Variants in CNNM1 observed in about 807,000 individuals in gnomAD.
The protein encoded by CNNM1 is cyclin and CBS domain divalent metal cation transport mediator 1, also known as metal transporter CNNM1.
Under a neutral mutation model 78.8 loss-of-function variants are expected in CNNM1, and 44 were observed. That is an observed-to-expected ratio of 0.56 (90% CI 0.44 to 0.72). The LOEUF (loss-of-function observed/expected upper bound fraction) is 0.72, where lower values mean the gene tolerates loss of function less well. Among genes scored for constraint, CNNM1 ranks in the 30% least tolerant of loss-of-function variants. The pLI, the probability that CNNM1 is intolerant of heterozygous loss-of-function variation, is 0.00. For synonymous variants in CNNM1, 584 were observed against 581.5 expected (o/e 1.00, Z -0.06); for missense variants, 1,101 against 1,292.2 (o/e 0.85, Z 2.27).
rs374865560 is a variant in CNNM1, at chr10:99,391,567, G to A, written c.*51G>A. ...TGTGTGAAATTCCAGAGCTTTGGGG[G>A]AGAATCCACCCTCCCATCATCTGCT... On this transcript the variant is annotated 3_prime_UTR_variant, in exon 11 of 11. Coordinates refer to ENST00000356713, the MANE Select transcript of CNNM1 (RefSeq NM_020348.3). 3.3e-6 allele frequency: 5 copies of A among 1,504,364 alleles called. No homozygotes were observed. The African/African-American group carries it at 6.9e-5, about 21-fold the overall frequency. The allele number at this position is 1,504,364 out of a possible 1,614,324, so 93.2% of individuals were successfully genotyped here. A position where few individuals can be genotyped will look rare whatever the true frequency, so the allele number is the denominator to read the frequency against.
In CNNM1 at chr10:99,356,562, C is replaced by CAGACAGAAAGAAAGAAAAGAAAAGAA; in HGVS notation, c.1574-947_1574-946insCAGAAAGAAAGAAAAGAAAAGAAAGA. Among the ~76,000 whole-genome samples the CAGACAGAAAGAAAGAAAAGAAAAGAA allele has an allele frequency of 1.7e-3, 172 of 98,532 alleles. 3 individuals are homozygous for CAGACAGAAAGAAAGAAAAGAAAAGAA. Among genetic ancestry groups the CAGACAGAAAGAAAGAAAAGAAAAGAA allele is most frequent in the South Asian group, 5.1e-3 (14 of 2,746 alleles). The allele number at this position is 98,532 out of a possible 152,430, so 64.6% of individuals were successfully genotyped here. A position where few individuals can be genotyped will look rare whatever the true frequency, so the allele number is the denominator to read the frequency against. On this transcript the variant is annotated intron_variant, in intron 1 of 10. Coordinates refer to ENST00000356713, the MANE Select transcript of CNNM1 (RefSeq NM_020348.3). Reference sequence around the variant, plus strand: ...AAAGACAGACAGACAGACAGACAGACAGAAAGAAAGAAAGAAAGAAAGAAA... The same window carrying CAGACAGAAAGAAAGAAAAGAAAAGAA: ...AAAGACAGACAGACAGACAGACAGACAGACAGAAAGAAAGAAAAGAAAAGAAAGAAAGAAAGAAAGAAAGAAAGAAA...
chr10:99,345,828 TTTTA>T (rs1006361480), intron 1 of CNNM1, among the ~76,000 whole-genome samples: 2 of 152,178 alleles, frequency 1.3e-5, no homozygotes, highest in Non-Finnish European at 2.9e-5. Context: ...GGAACGGTTA[TTTTA>T]TTTTTGTTTT....
At chr10:99,391,413 A>T in intron 10 of CNNM1, 24 bp from the exon 11 acceptor site, 2 of 1,592,104 alleles carry the variant, frequency 1.3e-6, no homozygotes, top group Non-Finnish European at 1.7e-6. Context: ...TTACAGGCTG[A>T]TACTTGCAAC....
At chr10:99,337,623 G>A (rs2030248470) in intron 1 of CNNM1, among the ~76,000 whole-genome samples, 1 of 152,258 alleles carries the variant, frequency 6.6e-6, no homozygotes, top group Non-Finnish European at 1.5e-5. Flanking sequence ...TGTTTTATGT[G>A]CATATCTCAA....
rs752235283 is a variant in CNNM1 at position 99,364,513 on chromosome 10, T to G, written c.2125T>G (p.Ser709Ala). 1 of 1,608,374 alleles carries G rather than the reference T, an allele frequency of 6.2e-7. No homozygotes were observed. Among genetic ancestry groups the G allele is most frequent in the East Asian group, 2.2e-5 (1 of 44,772 alleles). ...GVPAIMTTACSDNDVRKVGSL... is the reference protein window; with the variant it reads ...GVPAIMTTACADNDVRKVGSL... ...CCCAGCCATCATGACCACTGCTTGC[T>G]CAGGTATTCTAGTTTCCATTTGTTT... The change falls in exon 5 of 11, where the codon TCA (serine) becomes GCA (alanine). Residue 709 changes from serine to alanine, a missense_variant. By Grantham distance (99) the Ser-to-Ala change is moderately conservative. Coordinates refer to ENST00000356713, the MANE Select transcript of CNNM1 (RefSeq NM_020348.3).
chr10:99,354,134 A>G (rs891661505), intron 1 of CNNM1, among the ~76,000 whole-genome samples: 1 of 152,204 alleles, frequency 6.6e-6, no homozygotes, highest in African/African-American at 2.4e-5. Context: ...TACACTAGTT[A>G]TTTGTTTTGT....
At chr10:99,358,742 G>A (rs1199966050) in intron 2 of CNNM1, among the ~76,000 whole-genome samples, 4 of 152,152 alleles carry the variant, frequency 2.6e-5, no homozygotes, top group South Asian at 2.1e-4. Context: ...GAACGAGCTC[G>A]GAAATGTCCT....
intron 4 of CNNM1, 72 bp from the exon 5 acceptor site, chr10:99,364,345 G>C (rs1312613660): frequency 6.2e-6 from 7 of 1,127,886 alleles, no homozygotes; most frequent in Non-Finnish European, 9.1e-6. Context: ...GAAATGCTTA[G>C]GATTCGAGTC....
At chr10:99,365,727 A>AT (rs778645604) in intron 6 of CNNM1, among the ~76,000 whole-genome samples, 1 of 152,172 alleles carries the variant, frequency 6.6e-6, no homozygotes, top group Non-Finnish European at 1.5e-5. Flanking sequence ...ACAGTTCTGA[A>AT]TTTTGCATTG....
intron 7 of CNNM1, among the ~76,000 whole-genome samples, chr10:99,377,954 T>C (rs1162475675): frequency 7.3e-6 from 1 of 137,210 alleles, no homozygotes; most frequent in Non-Finnish European, 1.5e-5. Flanking sequence ...CTTGTTTCCA[T>C]AGGTTCTTTT....
rs1589887690 is a variant in CNNM1, at chr10:99,341,907, C to T, written c.1573+10947C>T. ...TCTTAACAAAGGATTCTAAATATAA[C>T]TTAATCTTTTCTTGATGACGCAGGA... On this transcript the variant is annotated intron_variant, in intron 1 of 10. Coordinates refer to ENST00000356713, the MANE Select transcript of CNNM1 (RefSeq NM_020348.3). Among the ~76,000 whole-genome samples, 4 of 152,230 alleles carry T rather than the reference C, an allele frequency of 2.6e-5. No homozygotes were observed. The East Asian group carries it at 7.7e-4, about 29-fold the overall frequency.
At chr10:99,335,598 TGG>T (rs774354633) in intron 1 of CNNM1, among the ~76,000 whole-genome samples, 4 of 152,256 alleles carry the variant, frequency 2.6e-5, no homozygotes, top group Non-Finnish European at 4.4e-5. Context: ...TTCCTCTTCA[TGG>T]GCCTCTGTCC....
chr10:99,337,565 C>T (rs1340308097), intron 1 of CNNM1, among the ~76,000 whole-genome samples: 1 of 152,226 alleles, frequency 6.6e-6, no homozygotes, highest in South Asian at 2.1e-4. Context: ...TGGGAGACTT[C>T]TCCTGTAAAC....
chr10:99,365,168 C>A (rs1369120202), intron 6 of CNNM1, 166 bp downstream of exon 6: 4 of 727,454 alleles, frequency 5.5e-6, no homozygotes, highest in Non-Finnish European at 9.9e-6. Context: ...CAGGTACCCA[C>A]AGACCATGGG....
rs2134088254 is a variant in CNNM1, at chr10:99,391,705, C to CTGG, written c.*190_*191insGGT. 1.8e-6 allele frequency: 1 copy of CTGG among 568,402 alleles called. No homozygotes were observed. Among genetic ancestry groups the CTGG allele is most frequent in the East Asian group, 3.0e-5 (1 of 33,608 alleles). The allele number at this position is 568,402 out of a possible 1,614,324, so 35.2% of individuals were successfully genotyped here. A position where few individuals can be genotyped will look rare whatever the true frequency, so the allele number is the denominator to read the frequency against. On this transcript the variant is annotated 3_prime_UTR_variant, in exon 11 of 11. Coordinates refer to ENST00000356713, the MANE Select transcript of CNNM1 (RefSeq NM_020348.3). ...CGTTACCTCCAGTTCGACTCAGAAC[C>CTGG]TTGACATGGCCATAACAGAAGGAGG... is the stretch of plus-strand genomic sequence containing the variant.
intron 6 of CNNM1, among the ~76,000 whole-genome samples, chr10:99,373,465 A>G (rs1371235927): frequency 6.6e-6 from 1 of 152,258 alleles, no homozygotes; most frequent in Non-Finnish European, 1.5e-5. Flanking sequence ...CTTTTCTGCA[A>G]CAACTAGCCT....
At chr10:99,334,722 T>C (rs550262067) in intron 1 of CNNM1, among the ~76,000 whole-genome samples, 3 of 152,178 alleles carry the variant, frequency 2.0e-5, no homozygotes, top group South Asian at 4.1e-4. Flanking sequence ...TTTTCCTTAC[T>C]TCCTTGCTTC....
chr10:99,356,568 G>GAAAGAAAGAAAGAAAAGA (rs1564947175), intron 1 of CNNM1, among the ~76,000 whole-genome samples: 17 of 112,738 alleles, frequency 1.5e-4, no homozygotes, highest in African/African-American at 5.7e-4. Context: ...CAGACAGAAA[G>GAAAGAAAGAAAGAAAAGA]AAAGAAAGAA....
chr10:99,364,611 A>G, intron 5 of CNNM1, 95 bp downstream of exon 5: 1 of 1,015,576 alleles, frequency 9.8e-7, no homozygotes. Flanking sequence ...GACTCTTGTT[A>G]ATCAGCCTGG....
Sources: gnomAD v4.1 joint callset for allele counts (sites outside exome capture counted in the v4.1 genomes callset) on GRCh38, gnomAD v4.1.1 for gene constraint, MANE v1.5 for transcripts, NCBI Gene and HGNC (gene_info 2026-07-23, HGNC 2026-07-21) for gene names.